Variants in MVP observed in about 807,000 individuals in gnomAD.
MVP encodes the protein major vault protein.
MVP carries 62 observed loss-of-function variants against 83.5 expected under a neutral mutation model. The observed-to-expected ratio is 0.74, with a 90% CI of 0.61 to 0.92. The LOEUF (loss-of-function observed/expected upper bound fraction) is 0.92, where lower values mean the gene tolerates loss of function less well. Ranked by LOEUF, MVP falls within the 40% of genes least tolerant of loss-of-function variation. The pLI is 0.00. For synonymous variants in MVP, 505 were observed against 504.1 expected, an observed-to-expected ratio of 1.00 and a Z score of -0.02; for missense variants, 1,000 against 1,203.4, an observed-to-expected ratio of 0.83 and a Z score of 2.50.
At chr16:29,836,370 T>C (rs1450888834) in intron 6 of MVP, among the ~76,000 whole-genome samples, 2 of 143,796 alleles carry the variant, frequency 1.4e-5, no homozygotes, top group East Asian at 2.0e-4. Flanking sequence ...AGGTCAGGAG[T>C]TCAAGACAAA....
intron 12 of MVP, 79 bp downstream of exon 12, chr16:29,846,058 G>A: frequency 3.1e-6 from 5 of 1,609,898 alleles, no homozygotes; most frequent in Non-Finnish European, 4.2e-6. Context: ...GCAGGCCTGG[G>A]TGGGGTGTCG....
At chr16:29,823,790 C>T (rs1162952112) in intron 1 of MVP, among the ~76,000 whole-genome samples, 1 of 150,176 alleles carries the variant, frequency 6.7e-6, no homozygotes, top group Admixed American at 6.7e-5. Flanking sequence ...TGCAGTGATC[C>T]GAGATCGTGC....
In MVP at chr16:29,836,773, T is replaced by A; in HGVS notation, c.724T>A (p.Ser242Thr). The A allele has an allele frequency of 6.2e-7, 1 of 1,611,994 alleles. No homozygotes were observed. The highest frequency in any genetic ancestry group is 8.5e-7 in the Non-Finnish European group (1 of 1,178,744). The change falls in exon 7 of 15, where the codon TCC (serine) becomes ACC (threonine). Residue 242 changes from serine (S) to threonine (T), a missense_variant. Physicochemically the swap from Ser to Thr is moderately conservative, Grantham distance 58. Transcript: ENST00000357402. ...GAACTTCCGGGACTTCAGGGGAGTG[T>A]CCCGCCGCACTGGGGAGGAGTGGCT... is the stretch of plus-strand genomic sequence containing the variant. The part of the protein sequence containing the change: ...RRNFRDFRGV[S>T]RRTGEEWLVT...
chr16:29,847,943 C>T lies in MVP; in HGVS notation c.2636C>T (p.Ala879Val), dbSNP rs778960068. Reference protein sequence around the residue: ...GEGISPQSAQAPQAPGDNHVV... With the variant: ...GEGISPQSAQVPQAPGDNHVV... ...GGGATATCCCCCCAGTCTGCTCAGG[C>T]CCCTCAAGCTCCTGGAGACAACCAC... Residue 879 changes from alanine to valine, a missense_variant, in exon 15 of 15, where the codon GCC (alanine) becomes GTC (valine). Ala to Val is a moderately conservative substitution (Grantham distance 64, BLOSUM62 0). Coordinates refer to ENST00000357402, the MANE Select transcript of MVP (RefSeq NM_005115.5). 6.2e-7 allele frequency: 1 copy of T among 1,611,954 alleles called. No individual in the cohort carries two copies. Among genetic ancestry groups the T allele is most frequent in the South Asian group, 1.1e-5 (1 of 90,886 alleles).
chr16:29,841,517 G>C lies in MVP; in HGVS notation c.1192-79G>C. On this transcript the variant is annotated intron_variant, in intron 8 of 14. Coordinates refer to ENST00000357402, the MANE Select transcript of MVP (RefSeq NM_005115.5). The surrounding 1 kb of genome is among the most constrained non-coding windows in gnomAD (Gnocchi z 4.7). ...CTCGTGGCGCGCCTTCCCTGGATGGGCTCTGCTTTGGGACAGCTGGGCGGA... is the reference window on the plus strand; with the variant it reads ...CTCGTGGCGCGCCTTCCCTGGATGGCCTCTGCTTTGGGACAGCTGGGCGGA... 6.7e-7 allele frequency: 1 copy of C among 1,498,830 alleles called. No homozygotes were observed. The highest frequency in any genetic ancestry group is 8.9e-7 in the Non-Finnish European group (1 of 1,123,950). 92.8% of individuals were successfully genotyped at this position (1,498,830 alleles called of 1,614,324 possible).
chr16:29,838,258 A>G (rs999131868), intron 7 of MVP, among the ~76,000 whole-genome samples: 1 of 151,762 alleles, frequency 6.6e-6, no homozygotes, highest in African/African-American at 2.4e-5. Context: ...ACATGGCAAA[A>G]CCCTTTCTCT....
intron 3 of MVP, 181 bp from the exon 4 acceptor site, chr16:29,833,552 C>T (rs1211316680): frequency 1.6e-6 from 1 of 607,694 alleles, no homozygotes; most frequent in Non-Finnish European, 2.7e-6. Flanking sequence ...TCAAGCAATC[C>T]TCCTACCTCA....
intron 1 of MVP, among the ~76,000 whole-genome samples, chr16:29,824,650 C>T (rs964036737): frequency 1.3e-5 from 2 of 151,916 alleles, no homozygotes; most frequent in African/African-American, 2.4e-5. Context: ...TCCAGCTACT[C>T]GGGAGGCTGA....
chr16:29,846,058 G>C lies in MVP; in HGVS notation c.2138+79G>C, dbSNP rs542323545. ...CAGCTGGTGTGGGCAGCAGGCCTGG[G>C]TGGGGTGTCGATGAGACAGTGCACG... On this transcript the variant is annotated intron_variant, in intron 12 of 14. Transcript: ENST00000357402. 4.3e-6 allele frequency: 7 copies of C among 1,609,898 alleles called. No individual in the cohort carries two copies. The East Asian group carries it at 1.1e-4, about 26-fold the overall frequency.
In MVP at chr16:29,845,851, C is replaced by T. The variant is rs199826595; in HGVS notation, c.2022-12C>T. The T allele has an allele frequency of 5.0e-5, 81 of 1,612,506 alleles. No individual in the cohort carries two copies. The highest frequency in any genetic ancestry group is 2.2e-4 in the Admixed American group (13 of 59,918). ...CCATGCCAGCCTCTCACCTGCGCTC[C>T]GTCTCCTCCAGGCATGAGGCTCAGA... is the stretch of plus-strand genomic sequence containing the variant. On this transcript the variant is annotated splice_polypyrimidine_tract_variant and intron_variant, in intron 11 of 14. Transcript: ENST00000357402.
At chr16:29,843,555 AGGGAGGG>A (rs2067553837) in intron 10 of MVP, among the ~76,000 whole-genome samples, 1 of 25,002 alleles carries the variant, frequency 4.0e-5, no homozygotes, top group Non-Finnish European at 7.6e-5. Context: ...GAAGGGAGGG[AGGGAGGG>A]AGGGAGGGAG....
intron 13 of MVP, 107 bp downstream of exon 13, chr16:29,846,391 C>G: frequency 7.1e-7 from 1 of 1,413,766 alleles, no homozygotes; most frequent in Non-Finnish European, 9.4e-7. Flanking sequence ...CAACATAAAG[C>G]CCTATCCAAG....
At chr16:29,835,528 G>A in intron 5 of MVP, 176 bp from the exon 6 acceptor site, 1 of 453,080 alleles carries the variant, frequency 2.2e-6, no homozygotes, top group Non-Finnish European at 3.9e-6. Flanking sequence ...AACTGGGGTG[G>A]GGGTTTGGCC....
intron 11 of MVP, 38 bp from the exon 12 acceptor site, chr16:29,845,825 C>T (rs1170492496): frequency 6.3e-7 from 1 of 1,590,892 alleles, no homozygotes; most frequent in South Asian, 1.1e-5. Flanking sequence ...CTGCTCTGGC[C>T]CCATGCCAGC....
intron 7 of MVP, among the ~76,000 whole-genome samples, chr16:29,837,790 C>G (rs1567392587): frequency 6.6e-6 from 1 of 152,124 alleles, no homozygotes; most frequent in Non-Finnish European, 1.5e-5. Flanking sequence ...ACGGGACCAC[C>G]ATGTGCAGTC....
At chr16:29,823,944 A>G (rs898975605) in intron 1 of MVP, among the ~76,000 whole-genome samples, 7 of 151,978 alleles carry the variant, frequency 4.6e-5, no homozygotes, top group African/African-American at 1.7e-4. Flanking sequence ...GCTTTAAAAA[A>G]AGGTCTCCAG....
At position 29,830,905 on chromosome 16, in the gene MVP, G is replaced by T. The variant is rs764413720; in HGVS notation, c.153G>T (p.Val51=). 4 of 1,613,190 alleles carry T rather than the reference G, an allele frequency of 2.5e-6. No homozygotes were observed. The South Asian group carries it at 3.3e-5, about 13-fold the overall frequency. The part of the protein sequence containing the change: ...ERVLFAPMRM[V]TVPPRHYCTV... ...TACTGTTTGCCCCCATGCGCATGGTGACCGTCCCCCCACGTCACTACTGCA... is the reference window on the plus strand; with the variant it reads ...TACTGTTTGCCCCCATGCGCATGGTTACCGTCCCCCCACGTCACTACTGCA... The change falls in exon 3 of 15, where the codon GTG becomes GTT. Residue 51 remains valine, a synonymous_variant. Transcript: ENST00000357402.
rs373016123 is a variant in MVP at position 29,833,921 on chromosome 16, C to T, written c.446-14C>T. 83 of 1,614,012 alleles carry T rather than the reference C, an allele frequency of 5.1e-5. No homozygotes were observed. The highest frequency in any genetic ancestry group is 6.7e-5 in the Non-Finnish European group (79 of 1,180,028). The stretch of plus-strand genomic sequence containing the variant: ...TAGCCCTGATACCTTCTGACCATCA[C>T]CTTCCCTCCCCAGGCACGTACATCC... On this transcript the variant is annotated splice_polypyrimidine_tract_variant and intron_variant, in intron 4 of 14. Transcript: ENST00000357402.
intron 1 of MVP, among the ~76,000 whole-genome samples, chr16:29,826,883 C>T (rs1310356999): frequency 2.0e-5 from 3 of 147,778 alleles, no homozygotes; most frequent in Non-Finnish European, 4.5e-5. Context: ...GCCGAGATTG[C>T]GCCACTGCAC....
Sources: gnomAD v4.1 joint callset for allele counts (sites outside exome capture counted in the v4.1 genomes callset) on GRCh38, gnomAD v4.1.1 for gene constraint, Gnocchi (gnomAD v3.1) non-coding constraint, MANE v1.5 for transcripts, NCBI Gene and HGNC (gene_info 2026-07-23, HGNC 2026-07-21) for gene names.